Variants in NPEPL1 observed in about 807,000 individuals in gnomAD.
NPEPL1 encodes the protein probable aminopeptidase NPEPL1.
A neutral mutation model predicts 52.4 loss-of-function variants in NPEPL1; 45 were observed. The observed-to-expected ratio is 0.86, with a 90% CI of 0.68 to 1.10. The LOEUF is 1.10. Among genes scored for constraint, NPEPL1 ranks in the 50% least tolerant of loss-of-function variants. NPEPL1 has a pLI of 0.00. For synonymous variants in NPEPL1, 360 were observed against 314.7 expected, an observed-to-expected ratio of 1.14 and a Z score of -1.52; for missense variants, 696 against 710.9, an observed-to-expected ratio of 0.98 and a Z score of 0.24.
At chr20:58,712,033 G>A (rs912997489) in intron 7 of NPEPL1, among the ~76,000 whole-genome samples, 1 of 152,224 alleles carries the variant, frequency 6.6e-6, no homozygotes, top group Non-Finnish European at 1.5e-5. Context: ...GTGAACAAAT[G>A]ACTTTTGGCA....
chr20:58,689,472 G>A (rs578184086), upstream of NPEPL1, among the ~76,000 whole-genome samples: 1 of 152,190 alleles, frequency 6.6e-6, no homozygotes, highest in South Asian at 2.1e-4. Flanking sequence ...TGTTGGCCAG[G>A]CTGGTCTCAA....
intron 5 of NPEPL1, among the ~76,000 whole-genome samples, chr20:58,699,559 C>A (rs1035135452): frequency 2.0e-5 from 3 of 152,244 alleles, no homozygotes; most frequent in African/African-American, 4.8e-5. Flanking sequence ...GCGTGCTGCA[C>A]ACCCTTACTC....
chr20:58,714,308 C>T, intron 10 of NPEPL1: 1 of 621,778 alleles, frequency 1.6e-6, no homozygotes, highest in Non-Finnish European at 2.7e-6. Context: ...CCAAGGGTTT[C>T]TCCCCCAGTC....
chr20:58,710,520 A>G (rs1273163944), intron 7 of NPEPL1, among the ~76,000 whole-genome samples: 1 of 148,870 alleles, frequency 6.7e-6, no homozygotes, highest in African/African-American at 2.5e-5. Flanking sequence ...CCCCTGACCC[A>G]CTTACCAACC....
chr20:58,710,090 G>A (rs930267394), intron 7 of NPEPL1, among the ~76,000 whole-genome samples: 1 of 144,606 alleles, frequency 6.9e-6, no homozygotes, highest in African/African-American at 2.6e-5. Context: ...CCAGGCTGGT[G>A]TGCAGTGGTG....
chr20:58,714,650 A>G lies in NPEPL1; in HGVS notation c.1393A>G (p.Ile465Val), dbSNP rs2084919449. Residue 465 changes from isoleucine (I) to valine (V), a missense_variant, in exon 11 of 12, where the codon ATT becomes GTT. Coordinates refer to ENST00000356091, the MANE Select transcript of NPEPL1 (RefSeq NM_024663.4). Reference sequence around the variant, plus strand: ...GCCCGGAGTCTGGGTCCACCTGGACATTGCTGCACCGGTGCATGCTGTGAG... The same window carrying G: ...GCCCGGAGTCTGGGTCCACCTGGACGTTGCTGCACCGGTGCATGCTGTGAG... Reference protein sequence around the residue: ...DWPGVWVHLDIAAPVHAGERA... With the variant: ...DWPGVWVHLDVAAPVHAGERA... The G allele has an allele frequency of 1.3e-6, 2 of 1,594,324 alleles. No homozygotes were observed. Among genetic ancestry groups the G allele is most frequent in the East Asian group, 2.3e-5 (1 of 44,032 alleles).
At chr20:58,691,656 A>C (rs971292030), upstream of NPEPL1, 6 of 724,720 alleles carry the variant, frequency 8.3e-6, no homozygotes, top group Non-Finnish European at 1.4e-5. Flanking sequence ...ACACCACGCC[A>C]GGGAGTTGAC....
At chr20:58,693,171 G>C (rs1267573329) in intron 1 of NPEPL1, 121 bp downstream of exon 1, 1 of 702,916 alleles carries the variant, frequency 1.4e-6, no homozygotes. Flanking sequence ...CAACGAGGCC[G>C]GGCCGCCTCC....
chr20:58,693,125 T>G lies in NPEPL1; in HGVS notation c.150+75T>G. The G allele has an allele frequency of 5.3e-6, 5 of 939,014 alleles. No individual in the cohort carries two copies. In the South Asian group the frequency reaches 2.4e-4, roughly 44 times the overall value. 58.2% of individuals were successfully genotyped at this position (939,014 alleles called of 1,614,324 possible). A position where few individuals can be genotyped will look rare whatever the true frequency, so the allele number is the denominator to read the frequency against. Reference sequence around the variant, plus strand: ...CCGGGCGGCCCGCGGAGGCCCCGCCTCGCCCGCCGCACCCCCGCCGCCGCC... The same window carrying G: ...CCGGGCGGCCCGCGGAGGCCCCGCCGCGCCCGCCGCACCCCCGCCGCCGCC... On this transcript the variant is annotated intron_variant, in intron 1 of 11. Transcript: ENST00000356091.
chr20:58,694,597 G>A lies in NPEPL1; in HGVS notation c.507+5G>A. ...GTGGAGGTGTCCACATTGCAGGTGG[G>A]TGTCTGGAAGGGCAGACACTGCCCC... On this transcript the variant is annotated splice_donor_5th_base_variant and intron_variant, in intron 3 of 11. Transcript: ENST00000356091. 1.2e-6 allele frequency: 2 copies of A among 1,609,316 alleles called. No homozygotes were observed. The highest frequency in any genetic ancestry group is 1.7e-6 in the Non-Finnish European group (2 of 1,177,528).
In NPEPL1 at chr20:58,699,285, G is replaced by T; in HGVS notation, c.679+7G>T. ...AAGACGAGAGGATTTGGAGGTGGGTGGGGGCTGCATCCCTGCAGCTCTTGG... is the reference window on the plus strand; with the variant it reads ...AAGACGAGAGGATTTGGAGGTGGGTTGGGGCTGCATCCCTGCAGCTCTTGG... On this transcript the variant is annotated splice_region_variant and intron_variant, in intron 5 of 11. Transcript: ENST00000356091. The T allele has an allele frequency of 6.2e-7, 1 of 1,600,794 alleles. No homozygotes were observed.
chr20:58,694,812 G>T (rs539509628), intron 3 of NPEPL1, among the ~76,000 whole-genome samples: 1 of 152,304 alleles, frequency 6.6e-6, no homozygotes, highest in African/African-American at 2.4e-5. Context: ...TTGTATACAG[G>T]CAGTGTTTGT....
intron 7 of NPEPL1, among the ~76,000 whole-genome samples, chr20:58,710,322 C>T (rs772049275): frequency 6.6e-6 from 1 of 152,192 alleles, no homozygotes; most frequent in Non-Finnish European, 1.5e-5. Context: ...GCATGGGCCA[C>T]TGCTCCTGGC....
Position 58,694,536 on chromosome 20 carries a change from G to T in NPEPL1, c.451G>T (p.Val151Leu). 1.2e-6 allele frequency: 2 copies of T among 1,614,010 alleles called. No individual in the cohort carries two copies. Among genetic ancestry groups the T allele is most frequent in the Non-Finnish European group, 1.7e-6 (2 of 1,179,874 alleles). Reference sequence around the variant, plus strand: ...GCGCTTGGAGAAGAAGACGGTCACCGTGGAGTTTTTCCTGGTGGGACAAGA... The same window carrying T: ...GCGCTTGGAGAAGAAGACGGTCACCTTGGAGTTTTTCCTGGTGGGACAAGA... Reference protein sequence around the residue: ...SRRLEKKTVTVEFFLVGQDNG... With the variant: ...SRRLEKKTVTLEFFLVGQDNG... The change falls in exon 3 of 12, where the codon GTG becomes TTG. Residue 151 changes from valine to leucine, a missense_variant. By Grantham distance (32) the Val-to-Leu change is conservative. Coordinates refer to ENST00000356091, the MANE Select transcript of NPEPL1 (RefSeq NM_024663.4).
chr20:58,699,061 G>A (rs1317434469), intron 4 of NPEPL1, 136 bp from the exon 5 acceptor site: 6 of 803,460 alleles, frequency 7.5e-6, no homozygotes, highest in Middle Eastern at 2.8e-4. Flanking sequence ...TTCATCACAC[G>A]CGAAGCTGGC....
chr20:58,694,948 T>G (rs1030730725), intron 3 of NPEPL1, among the ~76,000 whole-genome samples: 3 of 97,126 alleles, frequency 3.1e-5, no homozygotes, highest in Non-Finnish European at 6.7e-5. Context: ...ACATGTGTGT[T>G]GCTGTGCGTG....
upstream of NPEPL1, chr20:58,691,693 CTTTTT>C (rs11471424): frequency 0.037 from 20,302 of 552,262 alleles, 18 homozygotes; most frequent in East Asian, 0.051. Flanking sequence ...TTTTTCTTTT[CTTTTT>C]TTTTTTTTTT....
chr20:58,693,885 G>T lies in NPEPL1; in HGVS notation c.299G>T (p.Arg100Leu). Reference protein sequence around the residue: ...SAAHFITRLVRTCLPPGAHRC... With the variant: ...SAAHFITRLVLTCLPPGAHRC... ...GCCCACTTCATCACGCGGCTGGTGCGGACCTGCCTGCCGCCCGGAGCGCAT... is the reference window on the plus strand; with the variant it reads ...GCCCACTTCATCACGCGGCTGGTGCTGACCTGCCTGCCGCCCGGAGCGCAT... Residue 100 changes from arginine to leucine, a missense_variant, in exon 2 of 12, where the codon CGG (arginine) becomes CTG (leucine). Physicochemically the swap from Arg to Leu is moderately radical, Grantham distance 102. Transcript: ENST00000356091. 3.7e-6 allele frequency: 6 copies of T among 1,612,076 alleles called. No homozygotes were observed. Among genetic ancestry groups the T allele is most frequent in the Non-Finnish European group, 5.1e-6 (6 of 1,179,042 alleles).
chr20:58,701,820 G>A (rs891475163), intron 6 of NPEPL1, among the ~76,000 whole-genome samples: 7 of 152,126 alleles, frequency 4.6e-5, no homozygotes, highest in East Asian at 1.9e-4. Context: ...CGAGTCACCC[G>A]GGAACATCCC....
Sources: gnomAD v4.1 joint callset for allele counts (sites outside exome capture counted in the v4.1 genomes callset) on GRCh38, gnomAD v4.1.1 for gene constraint, MANE v1.5 for transcripts, NCBI Gene and HGNC (gene_info 2026-07-23, HGNC 2026-07-21) for gene names.